Variants in NAALADL2 observed in about 807,000 individuals in gnomAD.
NAALADL2 encodes the protein inactive N-acetylated-alpha-linked acidic dipeptidase-like protein 2.
A neutral mutation model predicts 87.2 loss-of-function variants in NAALADL2; 76 were observed. The observed-to-expected ratio is 0.87, with a 90% CI of 0.72 to 1.05. The LOEUF (loss-of-function observed/expected upper bound fraction) is 1.05. Ranked by LOEUF, NAALADL2 falls within the 50% of genes least tolerant of loss-of-function variation. The probability of loss-of-function intolerance (pLI) is 0.00; values close to 1 mark genes in which losing one functional copy is unlikely to be tolerated. For missense variants in NAALADL2, 1,089 were observed against 945.8 expected, an observed-to-expected ratio of 1.15 and a Z score of -1.99; for synonymous variants, 354 against 331.0, an observed-to-expected ratio of 1.07 and a Z score of -0.75.
intron 11 of NAALADL2, among the ~76,000 whole-genome samples, chr3:175,665,888 G>A (rs769674426): frequency 3.3e-5 from 5 of 151,906 alleles, no homozygotes; most frequent in African/African-American, 4.8e-5. Flanking sequence ...CCAAGATCGC[G>A]CCACTGCACT....
intron 2 of NAALADL2, among the ~76,000 whole-genome samples, chr3:175,222,756 A>C (rs904601058): frequency 6.6e-6 from 1 of 152,176 alleles, no homozygotes; most frequent in East Asian, 1.9e-4. Flanking sequence ...AATTATAAAA[A>C]GATATTAATT....
chr3:174,647,252 G>A (rs755529811), intron 2 of NAALADL2, among the ~76,000 whole-genome samples: 3 of 152,120 alleles, frequency 2.0e-5, no homozygotes, highest in African/African-American at 7.2e-5. Flanking sequence ...CTTGCTCAAG[G>A]TTGCATTGTT....
chr3:174,815,957 G>A (rs375258866), intron 3 of NAALADL2, among the ~76,000 whole-genome samples: 2 of 150,584 alleles, frequency 1.3e-5, no homozygotes, highest in East Asian at 3.9e-4. Context: ...GTCATACTTG[G>A]AGGTACTTAG....
rs566195556 is a variant in NAALADL2, at chr3:174,697,827, C to T, written c.-114-39814C>T. The stretch of plus-strand genomic sequence containing the variant: ...CAATAAATGGCTGGACGCGGTGGCT[C>T]ATGCCTGTAATCCCAGCACTTTGGG... On this transcript the variant is annotated intron_variant, in intron 2 of 3. Coordinates refer to the NAALADL2 transcript ENST00000434257. 4.3e-4 allele frequency among the ~76,000 whole-genome samples: 65 copies of T among 152,276 alleles called. No individual in the cohort carries two copies. The South Asian group carries it at 0.012, about 27-fold the overall frequency.
intron 3 of NAALADL2, among the ~76,000 whole-genome samples, chr3:174,802,107 TA>T (rs1298104906): frequency 6.6e-6 from 1 of 152,040 alleles, no homozygotes; most frequent in East Asian, 1.9e-4. Flanking sequence ...TGTCCACACT[TA>T]TTAGATTAAT....
chr3:175,783,222 G>GT (rs1469804291), intron 13 of NAALADL2, among the ~76,000 whole-genome samples: 42 of 152,138 alleles, frequency 2.8e-4, no homozygotes, highest in Non-Finnish European at 8.8e-5. Flanking sequence ...CTTTAAAGTA[G>GT]TTTTTTCCAA....
chr3:175,578,957 AG>A (rs2149567039), intron 10 of NAALADL2, among the ~76,000 whole-genome samples: 1 of 152,332 alleles, frequency 6.6e-6, no homozygotes, highest in South Asian at 2.1e-4. Flanking sequence ...TACTCAACTA[AG>A]GGTCAAATGT....
At chr3:175,089,965 T>A (rs1353516316) in intron 1 of NAALADL2, among the ~76,000 whole-genome samples, 5 of 152,128 alleles carry the variant, frequency 3.3e-5, no homozygotes, top group Non-Finnish European at 7.4e-5. Flanking sequence ...CCTCCACTCT[T>A]TTTTTATTTT....
chr3:174,794,965 G>GAAACTTCT (rs1717902461), intron 3 of NAALADL2, among the ~76,000 whole-genome samples: 1 of 125,820 alleles, frequency 7.9e-6, no homozygotes, highest in Non-Finnish European at 1.7e-5. Flanking sequence ...TTTAAAAGTT[G>GAAACTTCT]AAACTTCTAG....
intron 2 of NAALADL2, among the ~76,000 whole-genome samples, chr3:174,627,393 A>G (rs1374802618): frequency 6.6e-6 from 1 of 152,230 alleles, no homozygotes; most frequent in African/African-American, 2.4e-5. Context: ...ATACCATCTT[A>G]CACAGATCAG....
At chr3:175,540,415 G>A (rs1035756147) in intron 9 of NAALADL2, among the ~76,000 whole-genome samples, 7 of 152,212 alleles carry the variant, frequency 4.6e-5, no homozygotes, top group African/African-American at 1.7e-4. Flanking sequence ...GGGAGATGAT[G>A]AGGTCAGAGA....
At chr3:174,755,780 C>G (rs1326657744) in intron 3 of NAALADL2, among the ~76,000 whole-genome samples, 2 of 152,286 alleles carry the variant, frequency 1.3e-5, no homozygotes, top group East Asian at 3.9e-4. Context: ...AGATGCTTAC[C>G]TGATACATAA....
At chr3:174,562,161 C>A (rs577686007) in intron 2 of NAALADL2, among the ~76,000 whole-genome samples, 4 of 152,068 alleles carry the variant, frequency 2.6e-5, no homozygotes, top group Non-Finnish European at 5.9e-5. Flanking sequence ...AATTTCAGTA[C>A]TATATTTAAC....
Position 175,177,605 on chromosome 3 carries a change from C to G in NAALADL2, c.546-56326C>G, listed in dbSNP as rs542724976. ...GAAATAAATATACTAATTATTGTTA[C>G]AAACCATAAAAATGCAAAATATAAA... is the stretch of plus-strand genomic sequence containing the variant. On this transcript the variant is annotated intron_variant, in intron 2 of 13. Transcript: ENST00000454872. Among the ~76,000 whole-genome samples, 35 of 152,136 alleles carry G rather than the reference C, an allele frequency of 2.3e-4. No individual in the cohort carries two copies. The South Asian group carries it at 6.6e-3, about 29-fold the overall frequency.
chr3:175,593,522 G>A (rs189103527), intron 10 of NAALADL2, among the ~76,000 whole-genome samples: 2 of 152,230 alleles, frequency 1.3e-5, no homozygotes, highest in East Asian at 1.9e-4. Context: ...TTAAACAAGA[G>A]AAATTTATCA....
At chr3:174,522,656 C>T (rs67408109) in intron 1 of NAALADL2, among the ~76,000 whole-genome samples, 41,199 of 151,626 alleles carry the variant, frequency 0.27, 5,991 homozygotes, top group South Asian at 0.37. Context: ...CAAGAAAGGC[C>T]GGGTGCAGTG....
intron 4 of NAALADL2, among the ~76,000 whole-genome samples, chr3:175,312,350 T>A (rs1038710951): frequency 6.6e-6 from 1 of 152,188 alleles, no homozygotes; most frequent in Non-Finnish European, 1.5e-5. Flanking sequence ...TTATTTTTTA[T>A]GTTACTATAC....
At chr3:174,887,349 TTA>T (rs1235849134) in intron 1 of NAALADL2, among the ~76,000 whole-genome samples, 6 of 152,258 alleles carry the variant, frequency 3.9e-5, no homozygotes, top group South Asian at 4.1e-4. Context: ...TATAAAGAGA[TTA>T]TATGTTTATT....
intron 1 of NAALADL2, among the ~76,000 whole-genome samples, chr3:174,447,059 T>C (rs1337741380): frequency 6.6e-6 from 1 of 152,194 alleles, no homozygotes; most frequent in Non-Finnish European, 1.5e-5. Context: ...CTCTTGCCTT[T>C]ATATGTGTGT....
Sources: allele counts gnomAD v4.1 joint callset (sites outside exome capture counted in the v4.1 genomes callset), GRCh38; gene constraint gnomAD v4.1.1; transcripts MANE v1.5; gene names NCBI Gene and HGNC (gene_info 2026-07-23, HGNC 2026-07-21).